MOB4: variants seen among roughly 807,000 people sequenced by gnomAD.
MOB4 encodes MOB-like protein phocein.
Under a neutral mutation model 32.2 loss-of-function variants are expected in MOB4, and 4 were observed. That is an observed-to-expected ratio of 0.12 (90% confidence interval 0.06 to 0.28). The LOEUF is 0.28. Among genes scored for constraint, MOB4 ranks in the 10% least tolerant of loss-of-function variants. The pLI is 1.00. For synonymous variants in MOB4, 88 were observed against 88.1 expected (o/e 1.00, Z 0.01); for missense variants, 158 against 271.2 (o/e 0.58, Z 2.93).
chr2:197,522,738 C>T (rs376150232), intron 1 of MOB4, among the ~76,000 whole-genome samples: 4 of 152,006 alleles, frequency 2.6e-5, no homozygotes, highest in Admixed American at 6.6e-5. Flanking sequence ...ACTTATGGGT[C>T]GATCATGGTG....
intron 5 of MOB4, among the ~76,000 whole-genome samples, chr2:197,547,652 A>G (rs1049546201): frequency 2.6e-5 from 4 of 152,222 alleles, no homozygotes; most frequent in African/African-American, 4.8e-5. Flanking sequence ...TCTTTGAGCT[A>G]CAGTCATTGT....
chr2:197,535,027 T>C (rs1370131988), intron 2 of MOB4, among the ~76,000 whole-genome samples: 1 of 152,104 alleles, frequency 6.6e-6, no homozygotes. Context: ...CATAGTTATA[T>C]TTACATTGCC....
chr2:197,533,952 C>G (rs1216758069), intron 2 of MOB4: 33 of 575,404 alleles, frequency 5.7e-5, no homozygotes, highest in Admixed American at 5.7e-4. Flanking sequence ...GGAAAAGAAC[C>G]AAGCTGGGTC....
At chr2:197,531,051 T>A (rs60508173) in intron 2 of MOB4, among the ~76,000 whole-genome samples, 57,547 of 141,496 alleles carry the variant, frequency 0.41, 11,580 homozygotes, top group Middle Eastern at 0.54. Context: ...ATTTTTATTT[T>A]TATTTTTTTT....
rs1222035481 is a variant in MOB4 at position 197,522,114 on chromosome 2, ATTC to A, written c.61-1505_61-1503del. On this transcript the variant is annotated intron_variant, in intron 1 of 7. Transcript: ENST00000323303. Reference sequence around the variant, plus strand: ...TGTCCATGAAATCTTCACAATCCACATTCTTCTGCCGTGGTTTCAGCCGGTCCC... The same window carrying A: ...TGTCCATGAAATCTTCACAATCCACATTCTGCCGTGGTTTCAGCCGGTCCC... Among the ~76,000 whole-genome samples, 12 of 152,240 alleles carry A rather than the reference ATTC, an allele frequency of 7.9e-5. No individual in the cohort carries two copies. In the East Asian group the frequency reaches 2.3e-3, roughly 29 times the overall value.
At chr2:197,521,690 A>T (rs1431352613) in intron 1 of MOB4, among the ~76,000 whole-genome samples, 2 of 152,308 alleles carry the variant, frequency 1.3e-5, no homozygotes, top group East Asian at 3.9e-4. Flanking sequence ...CCTTGCTGAG[A>T]AAAAGAATTC....
At chr2:197,517,194 G>A (rs1257133853) in intron 1 of MOB4, among the ~76,000 whole-genome samples, 1 of 152,186 alleles carries the variant, frequency 6.6e-6, no homozygotes, top group East Asian at 1.9e-4. Flanking sequence ...TGAAGCCCAA[G>A]AGAATTAAGT....
chr2:197,519,801 GT>G (rs898374832), intron 1 of MOB4, among the ~76,000 whole-genome samples: 1 of 152,036 alleles, frequency 6.6e-6, no homozygotes, highest in South Asian at 2.1e-4. Context: ...AACTTCCTTA[GT>G]TTTTTTAAAA....
At chr2:197,534,236 G>A (rs985871458) in intron 2 of MOB4, among the ~76,000 whole-genome samples, 1 of 152,150 alleles carries the variant, frequency 6.6e-6, no homozygotes, top group South Asian at 2.1e-4. Flanking sequence ...GCTCAAGAAG[G>A]CCTTATAGTT....
chr2:197,523,763 G>T (rs750822367), intron 2 of MOB4, 77 bp downstream of exon 2: 2 of 1,384,040 alleles, frequency 1.4e-6, no homozygotes, highest in Non-Finnish European at 2.0e-6. Flanking sequence ...GCCTTTGTCT[G>T]TTGGTCACTG....
At chr2:197,516,199 G>T (rs888939229) in intron 1 of MOB4, 53 bp downstream of exon 1, 21 of 1,552,928 alleles carry the variant, frequency 1.4e-5, no homozygotes, top group African/African-American at 2.8e-5. Flanking sequence ...GCAGTGCTGC[G>T]CCCGGAAGCT....
chr2:197,516,011 C>A (rs961672119), upstream of MOB4: 2 of 1,456,662 alleles, frequency 1.4e-6, no homozygotes, highest in Non-Finnish European at 1.9e-6. Flanking sequence ...CGCAGAGCGC[C>A]GCTCTGCCCC....
At chr2:197,535,714 C>G in intron 3 of MOB4, 84 bp downstream of exon 3, 3 of 1,477,674 alleles carry the variant, frequency 2.0e-6, no homozygotes, top group Non-Finnish European at 2.7e-6. Flanking sequence ...GTAAAATTTA[C>G]TATGTAACTG....
chr2:197,522,324 T>G (rs2086535050), intron 1 of MOB4, among the ~76,000 whole-genome samples: 1 of 73,592 alleles, frequency 1.4e-5, no homozygotes, highest in Non-Finnish European at 2.5e-5. Flanking sequence ...GGTGATTACC[T>G]TTTTTTTTTT....
At position 197,518,435 on chromosome 2, in the gene MOB4, A is replaced by G. The variant is rs531310473; in HGVS notation, c.60+2289A>G. 5.3e-5 allele frequency among the ~76,000 whole-genome samples: 8 copies of G among 151,240 alleles called. No individual in the cohort carries two copies. In the South Asian group the frequency reaches 8.4e-4, roughly 16 times the overall value. On this transcript the variant is annotated intron_variant, in intron 1 of 7. Transcript: ENST00000323303. ...CAGGCGCGTGCCACCACGCCCAGCT[A>G]ATTTTTTGCAGAAACTGGGTTTCAC...
At chr2:197,536,405 A>G (rs1249908386) in intron 3 of MOB4, among the ~76,000 whole-genome samples, 3 of 151,518 alleles carry the variant, frequency 2.0e-5, no homozygotes, top group Admixed American at 6.6e-5. Flanking sequence ...AGGTTTCACC[A>G]TGTTGCCTAG....
At chr2:197,535,222 CAAAAAAA>C (rs371120769) in intron 2 of MOB4, among the ~76,000 whole-genome samples, 1 of 66,420 alleles carries the variant, frequency 1.5e-5, no homozygotes, top group African/African-American at 4.5e-5. Context: ...GACCCTGTTT[CAAAAAAA>C]AAAAAAAAAA....
intron 5 of MOB4, among the ~76,000 whole-genome samples, chr2:197,542,376 A>G (rs1273088435): frequency 1.3e-5 from 2 of 152,236 alleles, no homozygotes; most frequent in South Asian, 2.1e-4. Context: ...GTAAAAATAC[A>G]AACAAAAGAA....
At chr2:197,528,616 CTTTTTT>C (rs60927398) in intron 2 of MOB4, among the ~76,000 whole-genome samples, 12 of 131,692 alleles carry the variant, frequency 9.1e-5, no homozygotes, top group African/African-American at 2.9e-4. Context: ...TTTTCTTTTT[CTTTTTT>C]TTTTTTTTTT....
Sources: gnomAD v4.1 joint callset for allele counts (sites outside exome capture counted in the v4.1 genomes callset) on GRCh38, gnomAD v4.1.1 for gene constraint, MANE v1.5 for transcripts, NCBI Gene and HGNC (gene_info 2026-07-23, HGNC 2026-07-21) for gene names.